Variants in THSD7B observed in about 807,000 individuals in gnomAD.
THSD7B encodes thrombospondin type-1 domain-containing protein 7B.
THSD7B carries 138 observed loss-of-function variants against 213.6 expected under a neutral mutation model. The ratio of observed to expected loss-of-function variants is 0.65; its 90% confidence interval spans 0.56 to 0.74. The LOEUF (loss-of-function observed/expected upper bound fraction) is 0.74, where lower values mean the gene tolerates loss of function less well. Ranked by LOEUF, THSD7B falls within the 30% of genes least tolerant of loss-of-function variation. The pLI is 0.00. For synonymous variants in THSD7B, 742 were observed against 687.0 expected, an observed-to-expected ratio of 1.08 and a Z score of -1.25; for missense variants, 1,931 against 1,991.5, an observed-to-expected ratio of 0.97 and a Z score of 0.58.
intron 1 of THSD7B, among the ~76,000 whole-genome samples, chr2:136,878,844 A>C (rs1470179288): frequency 6.6e-6 from 1 of 152,016 alleles, no homozygotes; most frequent in African/African-American, 2.4e-5. Context: ...AGATTGCAAA[A>C]ATTTTCTCCC....
At chr2:137,276,879 G>A (rs1249464878) in intron 12 of THSD7B, among the ~76,000 whole-genome samples, 1 of 152,022 alleles carries the variant, frequency 6.6e-6, no homozygotes, top group African/African-American at 2.4e-5. Flanking sequence ...TAATATCCCT[G>A]TCAAAAAATT....
chr2:137,044,978 A>G (rs969699126), intron 2 of THSD7B, among the ~76,000 whole-genome samples: 2 of 152,198 alleles, frequency 1.3e-5, no homozygotes, highest in Non-Finnish European at 2.9e-5. Context: ...ACACATTGCC[A>G]TCAATGGCAA....
chr2:137,231,093 G>T lies in THSD7B; in HGVS notation c.1773G>T (p.Arg591Ser). The T allele has an allele frequency of 1.2e-6, 2 of 1,613,798 alleles. No individual in the cohort carries two copies. The highest frequency in any genetic ancestry group is 1.7e-6 in the Non-Finnish European group (2 of 1,179,780). Residue 591 changes from arginine to serine, a missense_variant, in exon 8 of 28, where the codon AGG becomes AGT. Physicochemically the swap from Arg to Ser is moderately radical, Grantham distance 110. Coordinates refer to ENST00000409968, the MANE Select transcript of THSD7B (RefSeq NM_001316349.2). Reference protein sequence around the residue: ...SLCPVPPPPERKSCEIPCRMD... With the variant: ...SLCPVPPPPESKSCEIPCRMD... ...GCCCAGTTCCCCCTCCTCCTGAGAG[G>T]AAGTCTTGTGAAATTCCCTGCCGAA... is the stretch of plus-strand genomic sequence containing the variant.
chr2:137,189,395 C>T (rs1367395649), intron 7 of THSD7B, among the ~76,000 whole-genome samples: 1 of 152,186 alleles, frequency 6.6e-6, no homozygotes, highest in Admixed American at 6.5e-5. Flanking sequence ...CAGCACTGAG[C>T]CTTTGCTTGT....
At chr2:137,298,345 C>T (rs1683516486) in intron 12 of THSD7B, among the ~76,000 whole-genome samples, 1 of 151,874 alleles carries the variant, frequency 6.6e-6, no homozygotes, top group African/African-American at 2.4e-5. Context: ...ACTTGGGTGC[C>T]GTTAAAAGCA....
intron 5 of THSD7B, among the ~76,000 whole-genome samples, chr2:137,138,409 T>C (rs1209531790): frequency 8.5e-5 from 13 of 152,194 alleles, no homozygotes; most frequent in Non-Finnish European, 1.2e-4. Flanking sequence ...GTTTGCAGTT[T>C]TTTTACTCTT....
chr2:137,668,949 G>A (rs990670800), intron 27 of THSD7B, among the ~76,000 whole-genome samples: 2 of 152,114 alleles, frequency 1.3e-5, no homozygotes, highest in South Asian at 2.1e-4. Flanking sequence ...GGTGGCAGAG[G>A]CGGAAGAAAT....
At chr2:137,366,585 G>T (rs1195028865) in intron 12 of THSD7B, among the ~76,000 whole-genome samples, 2 of 151,314 alleles carry the variant, frequency 1.3e-5, no homozygotes, top group Non-Finnish European at 2.9e-5. Flanking sequence ...ATCTACTTCT[G>T]CTATTTTTTC....
chr2:137,562,191 TAGAA>T (rs368744734), intron 15 of THSD7B, among the ~76,000 whole-genome samples: 43 of 152,258 alleles, frequency 2.8e-4, no homozygotes, highest in African/African-American at 9.6e-4. Flanking sequence ...TTTATGGAAT[TAGAA>T]AGGCAAGAGG....
At chr2:137,205,169 G>C (rs1040892422) in intron 7 of THSD7B, among the ~76,000 whole-genome samples, 1 of 152,048 alleles carries the variant, frequency 6.6e-6, no homozygotes. Flanking sequence ...TGCCAGTTTT[G>C]TTGCTGGATA....
chr2:137,629,909 G>A (rs1454182985), intron 20 of THSD7B, among the ~76,000 whole-genome samples: 1 of 151,938 alleles, frequency 6.6e-6, no homozygotes, highest in East Asian at 1.9e-4. Flanking sequence ...TTGACTAACT[G>A]TTCTATTTAA....
At chr2:137,392,175 T>C (rs1574001055) in intron 12 of THSD7B, among the ~76,000 whole-genome samples, 3 of 152,346 alleles carry the variant, frequency 2.0e-5, no homozygotes, top group South Asian at 2.1e-4. Context: ...ATGTGGTCTG[T>C]CCTAGAGAAT....
intron 5 of THSD7B, among the ~76,000 whole-genome samples, chr2:137,116,084 A>T (rs951627346): frequency 2.6e-5 from 4 of 152,174 alleles, no homozygotes; most frequent in African/African-American, 7.2e-5. Context: ...GGAAGGCAAG[A>T]TGCAAATTTT....
chr2:137,033,572 A>G (rs371290203), intron 2 of THSD7B, among the ~76,000 whole-genome samples: 12 of 152,180 alleles, frequency 7.9e-5, no homozygotes, highest in African/African-American at 2.9e-4. Flanking sequence ...AGGGTTGACT[A>G]CTTGGAGTTT....
At position 137,368,364 on chromosome 2, in the gene THSD7B, T is replaced by A. The variant is rs554333731; in HGVS notation, c.2501-37249T>A. Among the ~76,000 whole-genome samples, 9 of 152,236 alleles carry A rather than the reference T, an allele frequency of 5.9e-5. No homozygotes were observed. In the South Asian group the frequency reaches 1.2e-3, roughly 21 times the overall value. ...TTTCTCTCTTTTTTCACTTAAAAAT[T>A]TTTTAAAAAGTGTTAATCATTATCT... is the stretch of plus-strand genomic sequence containing the variant. On this transcript the variant is annotated intron_variant, in intron 12 of 27. Transcript: ENST00000409968.
intron 7 of THSD7B, among the ~76,000 whole-genome samples, chr2:137,209,757 C>T (rs747072153): frequency 2.0e-5 from 3 of 151,618 alleles, no homozygotes; most frequent in African/African-American, 4.8e-5. Flanking sequence ...ATGCATTTAA[C>T]GCATTTAAAT....
chr2:137,626,596 T>TA (rs756566887), intron 20 of THSD7B, among the ~76,000 whole-genome samples: 1 of 152,204 alleles, frequency 6.6e-6, no homozygotes, highest in Non-Finnish European at 1.5e-5. Flanking sequence ...GCAGTATTCT[T>TA]ATATTCCTTT....
At chr2:137,185,869 C>A (rs1035830189) in intron 7 of THSD7B, among the ~76,000 whole-genome samples, 2 of 152,142 alleles carry the variant, frequency 1.3e-5, no homozygotes, top group Non-Finnish European at 2.9e-5. Flanking sequence ...AGTGTATAAG[C>A]ATTCCCTTTT....
chr2:137,194,764 A>G (rs1680726885), intron 7 of THSD7B, among the ~76,000 whole-genome samples: 1 of 152,112 alleles, frequency 6.6e-6, no homozygotes, highest in Non-Finnish European at 1.5e-5. Flanking sequence ...TTCTTATGTT[A>G]ATTTTATAGC....
Sources: gnomAD v4.1 joint callset for allele counts (sites outside exome capture counted in the v4.1 genomes callset) on GRCh38, gnomAD v4.1.1 for gene constraint, MANE v1.5 for transcripts, NCBI Gene and HGNC (gene_info 2026-07-23, HGNC 2026-07-21) for gene names.